Variants in UNC13C observed in about 807,000 individuals in gnomAD.
UNC13C encodes the protein protein unc-13 homolog C.
In UNC13C, 174 loss-of-function variants were observed where a neutral mutation model predicts 245.4. The observed-to-expected ratio is 0.71, with a 90% CI of 0.63 to 0.80. The LOEUF (loss-of-function observed/expected upper bound fraction) is 0.80, where lower values mean the gene tolerates loss of function less well. Among genes scored for constraint, UNC13C ranks in the 30% least tolerant of loss-of-function variants. The probability of loss-of-function intolerance (pLI) is 0.00; values close to 1 mark genes in which losing one functional copy is unlikely to be tolerated. For synonymous variants in UNC13C, 992 were observed against 895.1 expected (o/e 1.11, Z -1.93); for missense variants, 2,829 against 2,602.9 (o/e 1.09, Z -1.89).
intron 17 of UNC13C, among the ~76,000 whole-genome samples, chr15:54,357,908 T>C (rs529123317): frequency 1.2e-3 from 180 of 152,188 alleles, no homozygotes; most frequent in African/African-American, 4.2e-3. Context: ...TGTATGTATA[T>C]ACATTAATCT....
At chr15:54,476,727 T>G (rs1287780880) in intron 19 of UNC13C, among the ~76,000 whole-genome samples, 1 of 150,066 alleles carries the variant, frequency 6.7e-6, no homozygotes, top group Non-Finnish European at 1.5e-5. Flanking sequence ...TAGTATAGTT[T>G]GAAGTCAGGT....
At position 54,519,271 on chromosome 15, in the gene UNC13C, A is replaced by C. The variant is rs74363191; in HGVS notation, c.5458-6278A>C. 8.3e-4 allele frequency among the ~76,000 whole-genome samples: 127 copies of C among 152,328 alleles called. 2 individuals carry two copies. In the East Asian group the frequency reaches 0.019, roughly 23 times the overall value. On this transcript the variant is annotated intron_variant, in intron 24 of 32. Coordinates refer to ENST00000260323, the MANE Select transcript of UNC13C (RefSeq NM_001080534.3). The stretch of plus-strand genomic sequence containing the variant: ...AATGTATAAGAGAAAAGAATGTCAC[A>C]TCACTCATATAAAGCCTGAAGGTGT...
At chr15:54,267,354 A>G (rs1295533832) in intron 10 of UNC13C, among the ~76,000 whole-genome samples, 1 of 150,740 alleles carries the variant, frequency 6.6e-6, no homozygotes, top group Non-Finnish European at 1.5e-5. Context: ...TTCCAGTATG[A>G]TGCCAAATCA....
At chr15:54,481,702 G>T (rs8039193) in intron 19 of UNC13C, among the ~76,000 whole-genome samples, 1 of 151,938 alleles carries the variant, frequency 6.6e-6, no homozygotes. Flanking sequence ...CTGTATGCAA[G>T]CACCAGTGGT....
chr15:54,091,066 G>T (rs1899544335), intron 2 of UNC13C, among the ~76,000 whole-genome samples: 1 of 137,848 alleles, frequency 7.3e-6, no homozygotes, highest in African/African-American at 2.6e-5. Context: ...GCTGGGCGGG[G>T]TGGGGGGAGG....
intron 28 of UNC13C, among the ~76,000 whole-genome samples, chr15:54,554,518 C>G (rs1237764820): frequency 6.6e-6 from 1 of 152,052 alleles, no homozygotes; most frequent in East Asian, 1.9e-4. Flanking sequence ...GAGCTATGTT[C>G]CCCCACGTGG....
chr15:54,157,297 C>G (rs938129307), intron 4 of UNC13C, among the ~76,000 whole-genome samples: 9 of 152,164 alleles, frequency 5.9e-5, no homozygotes, highest in Non-Finnish European at 2.9e-5. Flanking sequence ...GACTCTATTG[C>G]TTAGTAGCTC....
the UNC13C span, among the ~76,000 whole-genome samples, chr15:53,837,840 A>T: frequency 6.6e-6 from 1 of 152,126 alleles, no homozygotes; most frequent in Non-Finnish European, 1.5e-5. Context: ...AAATGCCACC[A>T]CTGTTAAAGA....
chr15:53,957,134 T>TTTTTGTTTGTTTG, the UNC13C span, among the ~76,000 whole-genome samples: 2 of 112,164 alleles, frequency 1.8e-5, no homozygotes, highest in African/African-American at 7.3e-5. Context: ...GGAATGTTCT[T>TTTTTGTTTGTTTG]TTTTGTTTGT....
At chr15:54,321,452 G>T in intron 13 of UNC13C, 1 of 491,594 alleles carries the variant, frequency 2.0e-6, no homozygotes, top group Non-Finnish European at 4.0e-6. Flanking sequence ...CTGCCTTTGC[G>T]GCCTTGCGTT....
intron 13 of UNC13C, among the ~76,000 whole-genome samples, chr15:54,301,364 G>A (rs1266645406): frequency 6.7e-6 from 1 of 148,874 alleles, no homozygotes; most frequent in Admixed American, 6.7e-5. Context: ...AGGTATACAT[G>A]CGCCATGGTG....
At chr15:53,979,091 T>C (rs944483045) in intron 1 of UNC13C, among the ~76,000 whole-genome samples, 164 bp downstream of exon 1, 1 of 152,132 alleles carries the variant, frequency 6.6e-6, no homozygotes, top group African/African-American at 2.4e-5. Flanking sequence ...TTTTATAATG[T>C]ACATGATTCT....
At chr15:54,566,031 A>G (rs1897495409) in intron 29 of UNC13C, among the ~76,000 whole-genome samples, 1 of 151,932 alleles carries the variant, frequency 6.6e-6, no homozygotes, top group Admixed American at 6.6e-5. Flanking sequence ...TTACCTGAGA[A>G]ATATTAAGAG....
chr15:53,858,503 C>T, the UNC13C span, among the ~76,000 whole-genome samples: 2 of 151,856 alleles, frequency 1.3e-5, no homozygotes, highest in Non-Finnish European at 2.9e-5. Flanking sequence ...TCATTGCAAC[C>T]TCCACCTACC....
At chr15:54,623,209 G>T (rs528193656) in intron 31 of UNC13C, among the ~76,000 whole-genome samples, 1 of 151,676 alleles carries the variant, frequency 6.6e-6, no homozygotes, top group Non-Finnish European at 1.5e-5. Flanking sequence ...TTTTTATGAC[G>T]ACTGAAATTT....
At chr15:54,425,083 C>T (rs1176548464) in intron 19 of UNC13C, among the ~76,000 whole-genome samples, 1 of 151,734 alleles carries the variant, frequency 6.6e-6, no homozygotes, top group African/African-American at 2.4e-5. Flanking sequence ...TACCAGGGAC[C>T]ACTTCAGCAT....
chr15:54,113,001 T>G (rs2029925804), intron 2 of UNC13C, among the ~76,000 whole-genome samples: 1 of 152,194 alleles, frequency 6.6e-6, no homozygotes, highest in South Asian at 2.1e-4. Context: ...ATAGGTACAG[T>G]AAATAGTGTT....
At chr15:54,401,289 C>T (rs74015196) in intron 18 of UNC13C, among the ~76,000 whole-genome samples, 7,211 of 152,084 alleles carry the variant, frequency 0.047, 547 homozygotes, top group African/African-American at 0.17. Context: ...CCGTGCAAGG[C>T]TAGAGTCACA....
At chr15:54,177,839 A>G (rs1309673760) in intron 4 of UNC13C, among the ~76,000 whole-genome samples, 1 of 152,136 alleles carries the variant, frequency 6.6e-6, no homozygotes, top group African/African-American at 2.4e-5. Flanking sequence ...TCCCAATAAC[A>G]TGATTTTCTA....
Sources: allele counts gnomAD v4.1 joint callset (sites outside exome capture counted in the v4.1 genomes callset), GRCh38; gene constraint gnomAD v4.1.1; transcripts MANE v1.5; gene names NCBI Gene and HGNC (gene_info 2026-07-23, HGNC 2026-07-21).